The following CYFIP1 variants were observed in gnomAD, a reference collection of about 807,000 sequenced individuals.
CYFIP1 encodes the protein cytoplasmic FMR1-interacting protein 1.
A neutral mutation model predicts 163.5 loss-of-function variants in CYFIP1; 58 were observed. That is an observed-to-expected ratio of 0.35 (90% CI 0.29 to 0.44). The LOEUF (loss-of-function observed/expected upper bound fraction) is 0.44. Among genes scored for constraint, CYFIP1 ranks in the 20% least tolerant of loss-of-function variants. The probability of loss-of-function intolerance (pLI) is 1.00; values close to 1 mark genes in which losing one functional copy is unlikely to be tolerated. For missense variants in CYFIP1, 1,338 were observed against 1,653.8 expected (o/e 0.81, Z 3.31); for synonymous variants, 663 against 660.7 (o/e 1.00, Z -0.05).
intron 22 of CYFIP1, among the ~76,000 whole-genome samples, chr15:22,894,278 CTTTTTTTTTT>C (rs57603773): frequency 4.6e-5 from 3 of 65,456 alleles, no homozygotes; most frequent in Admixed American, 2.3e-4. Flanking sequence ...GCAGACTTTT[CTTTTTTTTTT>C]TTTTTTTTTT....
chr15:22,957,712 T>C (rs1456152881), intron 1 of CYFIP1, among the ~76,000 whole-genome samples: 1 of 152,214 alleles, frequency 6.6e-6, no homozygotes, highest in Admixed American at 6.5e-5. Context: ...AGACAAACTA[T>C]GAAATGTTTC....
In CYFIP1 at chr15:22,879,726, A is replaced by G. The variant is rs2059694729; in HGVS notation, c.3042+187T>C. 2.6e-5 allele frequency among the ~76,000 whole-genome samples: 4 copies of G among 152,014 alleles called. No homozygotes were observed. In the South Asian group the frequency reaches 8.3e-4, roughly 32 times the overall value. ...TTCTTGAGACAGTGAACTACAGTAC[A>G]TTTTTGTTTTTCAATTGAAGGGAAC... On this transcript the variant is annotated intron_variant, in intron 26 of 30. Transcript: ENST00000617928.
At chr15:22,932,682 G>T (rs1212982483) in intron 10 of CYFIP1, among the ~76,000 whole-genome samples, 1 of 152,194 alleles carries the variant, frequency 6.6e-6, no homozygotes, top group East Asian at 1.9e-4. Flanking sequence ...GGCTCAGATG[G>T]CTCTGTAGAG....
chr15:22,947,350 C>T, intron 1 of CYFIP1, 59 bp from the exon 2 acceptor site: 2 of 1,584,800 alleles, frequency 1.3e-6, no homozygotes, highest in Admixed American at 3.4e-5. Context: ...ACCCAACAAG[C>T]TTCGAGGTTG....
At chr15:22,932,042 C>T (rs530668589) in intron 11 of CYFIP1, among the ~76,000 whole-genome samples, 181 bp downstream of exon 11, 6 of 152,330 alleles carry the variant, frequency 3.9e-5, no homozygotes, top group Admixed American at 1.3e-4. Flanking sequence ...GACACGATGA[C>T]GTTCCCACAA....
chr15:22,904,005 GGGC>G, intron 21 of CYFIP1, 100 bp from the exon 22 acceptor site: 1 of 1,135,348 alleles, frequency 8.8e-7, no homozygotes, highest in Non-Finnish European at 1.3e-6. Context: ...GTCCCTGGCA[GGGC>G]TGCACGGAGG....
At chr15:22,907,224 G>A (rs1261074867) in intron 21 of CYFIP1, among the ~76,000 whole-genome samples, 1 of 152,190 alleles carries the variant, frequency 6.6e-6, no homozygotes, top group African/African-American at 2.4e-5. Context: ...CATCTTTGAA[G>A]AGCTCTGTCT....
Position 22,870,042 on chromosome 15 carries a change from G to C in CYFIP1, c.3748C>G (p.Leu1250Val), listed in dbSNP as rs1182326099. 17 of 1,604,054 alleles carry C rather than the reference G, an allele frequency of 1.1e-5. No individual in the cohort carries two copies. The highest frequency in any genetic ancestry group is 1.8e-5 in the Admixed American group (1 of 56,996). Reference protein sequence around the residue: ...RCFQPPIHQSLASS With the variant: ...RCFQPPIHQSVASS ...AGCGCGTGCCCTCAGCTGCTGGCGA[G>C]GGACTGGTGGATGGGCGGCTGGAAG... The change falls in exon 31 of 31, where the codon CTC becomes GTC. Residue 1250 changes from leucine (L) to valine (V), a missense_variant. Leu to Val is a conservative substitution (Grantham distance 32, BLOSUM62 1). This residue lies in a region of CYFIP1 where 306 missense variants were observed against 322.1 expected (regional missense o/e 0.95). Transcript: ENST00000617928.
intron 21 of CYFIP1, among the ~76,000 whole-genome samples, chr15:22,906,739 A>T (rs2060598386): frequency 6.6e-6 from 1 of 152,170 alleles, no homozygotes; most frequent in Non-Finnish European, 1.5e-5. Flanking sequence ...TGCTGGGATT[A>T]CAGCCGTGAG....
intron 1 of CYFIP1, among the ~76,000 whole-genome samples, chr15:22,969,668 C>T (rs2063023684): frequency 1.3e-5 from 2 of 152,086 alleles, no homozygotes; most frequent in Non-Finnish European, 1.5e-5. Flanking sequence ...TACATATTTG[C>T]ATTAAATGTA....
rs775026357 is a variant in CYFIP1, at chr15:22,910,623, A to G, written c.2165T>C (p.Leu722Pro). The G allele has an allele frequency of 1.2e-6, 2 of 1,613,876 alleles. No individual in the cohort carries two copies. Among genetic ancestry groups the G allele is most frequent in the East Asian group, 2.2e-5 (1 of 44,902 alleles). The part of the protein sequence containing the change: ...AYYKVMAGSL[L>P]LDKRLRSECK... ...TTCTGATCGTAACCGTTTATCAAGA[A>G]GCAAACTAGTGTAGAAGGAAGACAG... is the stretch of plus-strand genomic sequence containing the variant. The change falls in exon 20 of 31, where the codon CTT (leucine) becomes CCT (proline). Residue 722 changes from leucine to proline, a missense_variant. Physicochemically the swap from Leu to Pro is moderately conservative, Grantham distance 98. Around this residue, in one of 4 missense-constraint regions of CYFIP1, gnomAD observed 824 missense variants for 995.7 expected, o/e 0.83. Transcript: ENST00000617928.
Position 22,872,806 on chromosome 15 carries a change from G to C in CYFIP1, c.3597+19C>G. ...TTTGCAAAAGGTCCATAGATGGTGC[G>C]AGATTTTCATCCACATACCACATTT... is the stretch of plus-strand genomic sequence containing the variant. On this transcript the variant is annotated intron_variant, in intron 30 of 30. Transcript: ENST00000617928. 6.2e-7 allele frequency: 1 copy of C among 1,612,602 alleles called. No individual in the cohort carries two copies. The highest frequency in any genetic ancestry group is 8.5e-7 in the Non-Finnish European group (1 of 1,178,792).
At chr15:22,932,434 C>A in intron 10 of CYFIP1, 94 bp from the exon 11 acceptor site, 2 of 718,212 alleles carry the variant, frequency 2.8e-6, no homozygotes, top group East Asian at 3.2e-5. Flanking sequence ...ACCAGAGCCA[C>A]ACAAATGGCT....
chr15:22,941,658 C>T (rs1359271675), intron 6 of CYFIP1, among the ~76,000 whole-genome samples: 3 of 151,980 alleles, frequency 2.0e-5, no homozygotes, highest in Admixed American at 1.3e-4. Flanking sequence ...TACGGAACTG[C>T]CCCAGGCCCA....
chr15:22,917,258 A>G lies in CYFIP1; in HGVS notation c.1674+530T>C. ...AGATTAAAAGCCTCCGGCAGAGATGAGGGAGAAGACCAGCCCCAGGACGGA... is the reference window on the plus strand; with the variant it reads ...AGATTAAAAGCCTCCGGCAGAGATGGGGGAGAAGACCAGCCCCAGGACGGA... On this transcript the variant is annotated intron_variant, in intron 15 of 30. Transcript: ENST00000617928. The surrounding 1 kb of genome is among the most constrained non-coding windows in gnomAD (Gnocchi z 4.2). 1 of 1,393,030 alleles carries G rather than the reference A, an allele frequency of 7.2e-7. No homozygotes were observed. Among genetic ancestry groups the G allele is most frequent in the Non-Finnish European group, 9.3e-7 (1 of 1,080,432 alleles). The allele number at this position is 1,393,030 out of a possible 1,614,324, so 86.3% of individuals were successfully genotyped here. A position where few individuals can be genotyped will look rare whatever the true frequency, so the allele number is the denominator to read the frequency against.
Position 22,959,812 on chromosome 15 carries a change from C to G in CYFIP1, c.-6-12521G>C, listed in dbSNP as rs555209466. ...CCCCTCCCCACCAGCCTCTCAGGTT[C>G]TCCTCTCAGGGCCCAGGAGGGTGCA... On this transcript the variant is annotated intron_variant, in intron 1 of 30. Coordinates refer to ENST00000617928, the MANE Select transcript of CYFIP1 (RefSeq NM_014608.6). Among the ~76,000 whole-genome samples the G allele has an allele frequency of 2.7e-3, 404 of 152,312 alleles. 4 individuals carry two copies. Among genetic ancestry groups the G allele is most frequent in the African/African-American group, 9.4e-3 (390 of 41,574 alleles).
intron 22 of CYFIP1, among the ~76,000 whole-genome samples, chr15:22,897,640 C>T (rs1029318234): frequency 2.4e-4 from 36 of 152,062 alleles, no homozygotes; most frequent in South Asian, 4.2e-4. Flanking sequence ...CCTGCCACCA[C>T]GCCTGGCTAA....
At chr15:22,976,595 G>A (rs1407257061) in intron 1 of CYFIP1, among the ~76,000 whole-genome samples, 2 of 151,790 alleles carry the variant, frequency 1.3e-5, no homozygotes, top group Admixed American at 6.6e-5. Context: ...CATACAAAAA[G>A]ATATTTTGAA....
chr15:22,870,975 G>C (rs2059417579), intron 30 of CYFIP1, among the ~76,000 whole-genome samples: 1 of 151,880 alleles, frequency 6.6e-6, no homozygotes, highest in African/African-American at 2.4e-5. Context: ...GGTGGTAAGG[G>C]GGAAGCCAGG....
Sources: gnomAD v4.1 joint callset for allele counts (sites outside exome capture counted in the v4.1 genomes callset) on GRCh38, gnomAD v4.1.1 for gene constraint, gnomAD v4.1.1 regional missense constraint, Gnocchi (gnomAD v3.1) non-coding constraint, MANE v1.5 for transcripts, NCBI Gene and HGNC (gene_info 2026-07-23, HGNC 2026-07-21) for gene names.